The following ATP6V1A variants were observed in gnomAD, a reference collection of about 807,000 sequenced individuals.
ATP6V1A encodes the protein ATPase H+ transporting V1 subunit A.
In ATP6V1A, 18 loss-of-function variants were observed where a neutral mutation model predicts 70.1. The ratio of observed to expected loss-of-function variants is 0.26; its 90% CI spans 0.18 to 0.38. ATP6V1A has a LOEUF of 0.38. Among genes scored for constraint, ATP6V1A ranks in the 10% least tolerant of loss-of-function variants. The probability of loss-of-function intolerance (pLI) is 1.00; values close to 1 mark genes in which losing one functional copy is unlikely to be tolerated. For missense variants in ATP6V1A, 424 were observed against 772.4 expected (o/e 0.55, Z 5.35); for synonymous variants, 232 against 253.8 (o/e 0.91, Z 0.82).
intron 8 of ATP6V1A, among the ~76,000 whole-genome samples, chr3:113,793,200 C>T (rs560490381): frequency 6.6e-6 from 1 of 152,096 alleles, no homozygotes; most frequent in South Asian, 2.1e-4. Context: ...GCTGGGATTA[C>T]AGGCATGCAC....
At chr3:113,796,034 A>G (rs1356990297) in intron 11 of ATP6V1A, 95 bp downstream of exon 11, 13 of 1,122,846 alleles carry the variant, frequency 1.2e-5, no homozygotes, top group Non-Finnish European at 1.5e-5. Flanking sequence ...GTTGTGAAGT[A>G]TTTAATTTAG....
At chr3:113,779,395 A>G (rs960477106) in intron 2 of ATP6V1A, among the ~76,000 whole-genome samples, 1 of 152,220 alleles carries the variant, frequency 6.6e-6, no homozygotes, top group Non-Finnish European at 1.5e-5. Context: ...TGCTTTTTAA[A>G]TAATAAATCT....
At chr3:113,799,809 AG>A (rs1709189792) in intron 12 of ATP6V1A, among the ~76,000 whole-genome samples, 1 of 152,256 alleles carries the variant, frequency 6.6e-6, no homozygotes, top group African/African-American at 2.4e-5. Flanking sequence ...AACAAAAACT[AG>A]AGTGTAGGAA....
In ATP6V1A at chr3:113,784,246, T is replaced by C. The variant is rs1207953955; in HGVS notation, c.234T>C (p.Pro78=). ...TAGCTGGTGTGTCTGTTGGAGATCC[T>C]GTACTTCGCACTGGTAAACCCCTCT... ...EETSGVSVGD[P]VLRTGKPLSV... The change falls in exon 4 of 15, where the codon CCT becomes CCC. Residue 78 remains proline, a synonymous_variant. Coordinates refer to ENST00000273398, the MANE Select transcript of ATP6V1A (RefSeq NM_001690.4). 8 of 1,614,090 alleles carry C rather than the reference T, an allele frequency of 5.0e-6. No homozygotes were observed. The highest frequency in any genetic ancestry group is 6.8e-6 in the Non-Finnish European group (8 of 1,180,026).
At chr3:113,766,057 A>G (rs950574565) in intron 1 of ATP6V1A, among the ~76,000 whole-genome samples, 9 of 152,016 alleles carry the variant, frequency 5.9e-5, no homozygotes, top group Non-Finnish European at 7.4e-5. Context: ...GCGTTTTTAC[A>G]TAGGGTCAGT....
At chr3:113,778,209 C>T (rs764771722) in intron 1 of ATP6V1A, among the ~76,000 whole-genome samples, 19 of 152,072 alleles carry the variant, frequency 1.2e-4, no homozygotes, top group South Asian at 2.1e-4. Flanking sequence ...GCCTGGCCAA[C>T]GTGGCAAAAC....
At chr3:113,796,145 A>G (rs533101411) in intron 11 of ATP6V1A, among the ~76,000 whole-genome samples, 1 of 152,374 alleles carries the variant, frequency 6.6e-6, no homozygotes, top group African/African-American at 2.4e-5. Context: ...CATAGGATTT[A>G]TAATAAACTT....
At position 113,809,659 on chromosome 3, in the gene ATP6V1A, A is replaced by C. The variant is rs1289967106; in HGVS notation, c.*232A>C. 2.7e-6 allele frequency: 1 copy of C among 376,834 alleles called. No homozygotes were observed. The highest frequency in any genetic ancestry group is 5.0e-6 in the Non-Finnish European group (1 of 198,846). The allele number at this position is 376,834 out of a possible 1,614,324, so 23.3% of individuals were successfully genotyped here. ...TCTTCCTTTATCTGAAGTGGTGAAT[A>C]TAGTAAATATACATTCTGGTTACAC... On this transcript the variant is annotated 3_prime_UTR_variant, in exon 15 of 15. Coordinates refer to ENST00000273398, the MANE Select transcript of ATP6V1A (RefSeq NM_001690.4).
At chr3:113,801,481 T>C (rs1709211753) in intron 12 of ATP6V1A, among the ~76,000 whole-genome samples, 1 of 152,214 alleles carries the variant, frequency 6.6e-6, no homozygotes, top group South Asian at 2.1e-4. Flanking sequence ...GTGGGTGGAT[T>C]GTCTGGTGCT....
intron 1 of ATP6V1A, among the ~76,000 whole-genome samples, chr3:113,767,583 C>T (rs1179806324): frequency 1.3e-5 from 2 of 151,952 alleles, no homozygotes; most frequent in African/African-American, 2.4e-5. Flanking sequence ...CTTGTACACT[C>T]AATACAGTAT....
chr3:113,793,883 T>TTTATAATATAACTA (rs1353518714), intron 8 of ATP6V1A, among the ~76,000 whole-genome samples: 2 of 152,140 alleles, frequency 1.3e-5, no homozygotes, highest in Non-Finnish European at 2.9e-5. Context: ...TTTTGGAACT[T>TTTATAATATAACTA]TTATAATATA....
chr3:113,777,523 A>G (rs1390393298), intron 1 of ATP6V1A, among the ~76,000 whole-genome samples: 2 of 152,210 alleles, frequency 1.3e-5, no homozygotes, highest in Non-Finnish European at 1.5e-5. Flanking sequence ...CAGGAGGCCA[A>G]GGCCAGAGAA....
At chr3:113,784,988 A>T (rs954178254) in intron 5 of ATP6V1A, among the ~76,000 whole-genome samples, 155 bp downstream of exon 5, 2 of 152,276 alleles carry the variant, frequency 1.3e-5, no homozygotes, top group East Asian at 3.9e-4. Flanking sequence ...GTTTATTTTT[A>T]ACTTGGATTT....
At chr3:113,768,810 GGT>G (rs1559751853) in intron 1 of ATP6V1A, among the ~76,000 whole-genome samples, 1 of 151,916 alleles carries the variant, frequency 6.6e-6, no homozygotes, top group African/African-American at 2.4e-5. Flanking sequence ...TGGCCAGGCT[GGT>G]CTCAAACTCC....
chr3:113,794,812 A>G, intron 8 of ATP6V1A, 60 bp from the exon 9 acceptor site: 2 of 1,546,174 alleles, frequency 1.3e-6, no homozygotes, highest in Non-Finnish European at 1.7e-6. Flanking sequence ...TAAGGGTGGA[A>G]AAAAACAGGA....
chr3:113,794,836 G>T, intron 8 of ATP6V1A, 36 bp from the exon 9 acceptor site: 1 of 1,583,200 alleles, frequency 6.3e-7, no homozygotes. Flanking sequence ...TTATATGCTA[G>T]CATTGTAACT....
In ATP6V1A at chr3:113,805,480, G is replaced by C; in HGVS notation, c.1716G>C (p.Glu572Asp). Residue 572 changes from glutamate to aspartate, a missense_variant, in exon 14 of 15, where the codon GAG (glutamate) becomes GAC (aspartate). By Grantham distance (45) the Glu-to-Asp change is conservative (BLOSUM62 2). Around this residue, in one of 9 missense-constraint regions of ATP6V1A, gnomAD observed 127 missense variants for 207.9 expected, o/e 0.61. Transcript: ENST00000273398. ...AAATCACATGGTCCATTATTCGTGAGCACATGGGAGACATCCTCTATAAAC... is the reference window on the plus strand; with the variant it reads ...AAATCACATGGTCCATTATTCGTGACCACATGGGAGACATCCTCTATAAAC... ...DNKITWSIIR[E>D]HMGDILYKLS... 1 of 1,613,954 alleles carries C rather than the reference G, an allele frequency of 6.2e-7. No homozygotes were observed.
intron 14 of ATP6V1A, among the ~76,000 whole-genome samples, chr3:113,807,203 G>A (rs1195042070): frequency 7.5e-6 from 1 of 133,486 alleles, no homozygotes; most frequent in East Asian, 2.4e-4. Flanking sequence ...TTTTTGAGAT[G>A]GAGTCTTGCT....
chr3:113,757,883 C>A (rs9844946), intron 1 of ATP6V1A, among the ~76,000 whole-genome samples: 3 of 152,058 alleles, frequency 2.0e-5, no homozygotes, highest in Non-Finnish European at 4.4e-5. Flanking sequence ...TGGTGGCTCA[C>A]GCCTGTAATC....
Sources: allele counts gnomAD v4.1 joint callset (sites outside exome capture counted in the v4.1 genomes callset), GRCh38; gene constraint gnomAD v4.1.1; regional missense constraint gnomAD v4.1.1; transcripts MANE v1.5; gene names NCBI Gene and HGNC (gene_info 2026-07-23, HGNC 2026-07-21).